Variants in COG6 observed in about 807,000 individuals in gnomAD.
COG6 encodes conserved oligomeric Golgi complex subunit 6.
A neutral mutation model predicts 88.8 loss-of-function variants in COG6; 74 were observed. The observed-to-expected ratio is 0.83, with a 90% CI of 0.69 to 1.01. COG6 has a LOEUF of 1.01. Ranked by LOEUF, COG6 falls within the 50% of genes least tolerant of loss-of-function variation. The pLI is 0.00. For missense variants in COG6, 800 were observed against 797.9 expected, an observed-to-expected ratio of 1.00 and a Z score of -0.03; for synonymous variants, 286 against 278.7, an observed-to-expected ratio of 1.03 and a Z score of -0.26.
chr13:39,729,753 CTTT>C (rs980345385), intron 18 of COG6, among the ~76,000 whole-genome samples: 1 of 152,132 alleles, frequency 6.6e-6, no homozygotes, highest in Non-Finnish European at 1.5e-5. Flanking sequence ...CATTTTCACA[CTTT>C]TTTGAATGAG....
intron 18 of COG6, among the ~76,000 whole-genome samples, chr13:39,733,093 C>G (rs1879540749): frequency 6.6e-6 from 1 of 151,066 alleles, no homozygotes; most frequent in Non-Finnish European, 1.5e-5. Context: ...GTCTTTCAAA[C>G]TGAAAGTGAA....
intron 18 of COG6, among the ~76,000 whole-genome samples, chr13:39,732,166 A>G (rs1879488670): frequency 6.6e-6 from 1 of 152,210 alleles, no homozygotes; most frequent in Non-Finnish European, 1.5e-5. Context: ...ATTATGCTTT[A>G]TCAACTAACT....
rs538626293 is a variant in COG6 at position 39,665,645 on chromosome 13, T to C, written c.428+491T>C. ...GAGTACAGTCTGGATTTGTGTAATG[T>C]GTGGTGTTCAGTATTGCTAAAACTC... On this transcript the variant is annotated intron_variant, in intron 4 of 18. Transcript: ENST00000455146. Among the ~76,000 whole-genome samples, 3 of 152,312 alleles carry C rather than the reference T, an allele frequency of 2.0e-5. No homozygotes were observed. In the East Asian group the frequency reaches 5.8e-4, roughly 29 times the overall value.
At chr13:39,724,967 T>C (rs1454604902) in intron 17 of COG6, among the ~76,000 whole-genome samples, 1 of 151,936 alleles carries the variant, frequency 6.6e-6, no homozygotes, top group African/African-American at 2.4e-5. Flanking sequence ...CTTAAAACAG[T>C]TTATTACTCT....
chr13:39,771,053 TGTAA>T (rs1022944275), intron 18 of COG6, among the ~76,000 whole-genome samples: 8 of 152,138 alleles, frequency 5.3e-5, no homozygotes, highest in Admixed American at 5.2e-4. Flanking sequence ...CCTCATGTCA[TGTAA>T]GTAGCTGCAG....
At chr13:39,685,704 A>G (rs1188857561) in intron 8 of COG6, among the ~76,000 whole-genome samples, 1 of 152,196 alleles carries the variant, frequency 6.6e-6, no homozygotes, top group Non-Finnish European at 1.5e-5. Flanking sequence ...GAATCAGGTG[A>G]TCATTTAAAA....
chr13:39,664,512 C>CACT (rs1875120098), intron 3 of COG6, among the ~76,000 whole-genome samples: 1 of 151,966 alleles, frequency 6.6e-6, no homozygotes, highest in Non-Finnish European at 1.5e-5. Context: ...AATTGACTTT[C>CACT]CACTTTTGAT....
intron 13 of COG6, among the ~76,000 whole-genome samples, chr13:39,713,748 A>G (rs953377657): frequency 3.9e-5 from 6 of 152,190 alleles, no homozygotes; most frequent in Non-Finnish European, 8.8e-5. Flanking sequence ...AAAAAAAGAA[A>G]AAGAAATATA....
At chr13:39,673,547 A>G (rs1200138604) in intron 4 of COG6, among the ~76,000 whole-genome samples, 2 of 151,978 alleles carry the variant, frequency 1.3e-5, no homozygotes, top group African/African-American at 2.4e-5. Context: ...ACTTTTTCTT[A>G]AGGATTGTAA....
intron 4 of COG6, among the ~76,000 whole-genome samples, chr13:39,671,465 A>T (rs551563002): frequency 3.1e-4 from 46 of 146,668 alleles, no homozygotes; most frequent in African/African-American, 1.1e-3. Flanking sequence ...TTATTTCCTG[A>T]TTTAACTACA....
intron 4 of COG6, among the ~76,000 whole-genome samples, chr13:39,675,201 A>G (rs1056126617): frequency 6.6e-6 from 1 of 152,144 alleles, no homozygotes; most frequent in Non-Finnish European, 1.5e-5. Context: ...TTTTACTTAG[A>G]CATTGAAAGC....
At position 39,659,504 on chromosome 13, in the gene COG6, G is replaced by A. The variant is rs1874759379; in HGVS notation, c.294G>A (p.Lys98=). The part of the protein sequence containing the change: ...EEFVSIFKEV[K]EELESISEDV... ...TTGTAAGCATTTTCAAGGAAGTGAA[G>A]GAGGTATGTAAACTCTTTTCATTTA... Residue 98 remains lysine, a synonymous_variant, in exon 2 of 19, where the codon AAG becomes AAA. Transcript: ENST00000455146. 8.7e-6 allele frequency: 14 copies of A among 1,612,216 alleles called. No homozygotes were observed. Among genetic ancestry groups the A allele is most frequent in the Non-Finnish European group, 1.1e-5 (13 of 1,178,938 alleles).
At chr13:39,761,559 A>G (rs1336087604) in intron 18 of COG6, among the ~76,000 whole-genome samples, 1 of 151,984 alleles carries the variant, frequency 6.6e-6, no homozygotes, top group Non-Finnish European at 1.5e-5. Context: ...AAAAAGATTC[A>G]GCACAGTAAA....
In COG6 at chr13:39,751,594, A is replaced by G. The variant is rs1299493663; in HGVS notation, c.*501A>G. 7 of 1,287,166 alleles carry G rather than the reference A, an allele frequency of 5.4e-6. No individual in the cohort carries two copies. The highest frequency in any genetic ancestry group is 7.1e-6 in the Non-Finnish European group (7 of 988,680). The allele number at this position is 1,287,166 out of a possible 1,614,324, so 79.7% of individuals were successfully genotyped here. ...CTCTGTCCCCAAAATAGCTGCCCTT[A>G]AAGAGTTGTTAGCAGAGAGAAAAAT... is the stretch of plus-strand genomic sequence containing the variant. On this transcript the variant is annotated 3_prime_UTR_variant, in exon 19 of 19. Transcript: ENST00000455146.
intron 16 of COG6, among the ~76,000 whole-genome samples, chr13:39,724,224 T>C (rs555937232): frequency 6.6e-6 from 1 of 152,014 alleles, no homozygotes; most frequent in Non-Finnish European, 1.5e-5. Flanking sequence ...GTCACTGGCA[T>C]CTTCCAGTGC....
chr13:39,783,852 G>A (rs1438768605), intron 18 of COG6, among the ~76,000 whole-genome samples: 2 of 152,168 alleles, frequency 1.3e-5, no homozygotes, highest in African/African-American at 2.4e-5. Flanking sequence ...TCCAACTTGA[G>A]TTTACCGAGG....
chr13:39,739,354 ATG>A (rs1879931002), intron 18 of COG6, among the ~76,000 whole-genome samples: 2 of 152,144 alleles, frequency 1.3e-5, no homozygotes, highest in Admixed American at 1.3e-4. Context: ...GTTCACCTAT[ATG>A]CCCTTTACAA....
intron 18 of COG6, among the ~76,000 whole-genome samples, chr13:39,772,648 G>A (rs1881353430): frequency 6.6e-6 from 1 of 152,166 alleles, no homozygotes; most frequent in South Asian, 2.1e-4. Flanking sequence ...TCTGTTTCCT[G>A]GCCTAGGGGC....
In COG6 at chr13:39,765,857, T is replaced by C. The variant is rs111515848; in HGVS notation, c.1827-22478T>C. On this transcript the variant is annotated intron_variant, in intron 18 of 18. Coordinates refer to the COG6 transcript ENST00000416691. ...TTCTGTGCTGTGTGCAGATACTTAC[T>C]GAGTGTAATGAAGGAATTACTCTCT... Among the ~76,000 whole-genome samples, 879 of 152,334 alleles carry C rather than the reference T, an allele frequency of 5.8e-3. 7 individuals carry two copies. The highest frequency in any genetic ancestry group is 0.014 in the Middle Eastern group (4 of 294).
Sources: allele counts gnomAD v4.1 joint callset (sites outside exome capture counted in the v4.1 genomes callset), GRCh38; gene constraint gnomAD v4.1.1; transcripts MANE v1.5; gene names NCBI Gene and HGNC (gene_info 2026-07-23, HGNC 2026-07-21).